The following SLC10A1 variants were observed in gnomAD, a reference collection of about 807,000 sequenced individuals.
The protein encoded by SLC10A1 is hepatic sodium/bile acid cotransporter.
A neutral mutation model predicts 20.5 loss-of-function variants in SLC10A1; 36 were observed. The ratio of observed to expected loss-of-function variants is 1.75; its 90% CI spans 1.34 to 2.32. The LOEUF (loss-of-function observed/expected upper bound fraction) is 2.32. Among genes scored for constraint, SLC10A1 ranks in the 30% most tolerant of loss-of-function variants. SLC10A1 has a pLI of 0.00. For synonymous variants in SLC10A1, 188 were observed against 163.6 expected, an observed-to-expected ratio of 1.15 and a Z score of -1.14; for missense variants, 545 against 439.1, an observed-to-expected ratio of 1.24 and a Z score of -2.16.
Position 69,776,376 on chromosome 14 carries a change from A to C in SLC10A1, c.956T>G (p.Met319Arg), listed in dbSNP as rs745890639. Residue 319 changes from methionine to arginine, a missense_variant, in exon 5 of 5, where the codon ATG (methionine) becomes AGG (arginine). Coordinates refer to ENST00000216540, the MANE Select transcript of SLC10A1 (RefSeq NM_003049.4). ...KFKTPKDKTK[M>R]IYTAATTEET... ...TTCAGTTGTGGCAGCTGTGTAGATC[A>C]TTTTTGTTTTATCTGTAAAGTTAAA... The C allele has an allele frequency of 6.2e-7, 1 of 1,601,510 alleles. No homozygotes were observed. Among genetic ancestry groups the C allele is most frequent in the Non-Finnish European group, 8.5e-7 (1 of 1,174,672 alleles).
chr14:69,790,985 A>AAT (rs1383434115), intron 1 of SLC10A1, among the ~76,000 whole-genome samples: 1 of 151,222 alleles, frequency 6.6e-6, no homozygotes, highest in Non-Finnish European at 1.5e-5. Flanking sequence ...ACTAGAAACA[A>AAT]ATATATATAT....
chr14:69,788,649 ATTC>A (rs1165594571), intron 1 of SLC10A1, among the ~76,000 whole-genome samples: 1 of 150,886 alleles, frequency 6.6e-6, no homozygotes, highest in Non-Finnish European at 1.5e-5. Flanking sequence ...GGTTCACGCT[ATTC>A]TTCTGTCTCA....
intron 1 of SLC10A1, among the ~76,000 whole-genome samples, chr14:69,792,833 CAAAAA>C (rs4646288): frequency 4.9e-5 from 6 of 122,234 alleles, no homozygotes; most frequent in Admixed American, 2.4e-4. Flanking sequence ...GCCTATTTCT[CAAAAA>C]AAAAAAAAAA....
At chr14:69,793,973 G>C (rs1882336643) in intron 1 of SLC10A1, among the ~76,000 whole-genome samples, 1 of 152,160 alleles carries the variant, frequency 6.6e-6, no homozygotes, top group Non-Finnish European at 1.5e-5. Flanking sequence ...TGGCCTCCTG[G>C]GATGGCAGGC....
intron 4 of SLC10A1, among the ~76,000 whole-genome samples, chr14:69,777,414 C>T (rs934327101): frequency 3.3e-5 from 5 of 151,956 alleles, no homozygotes; most frequent in African/African-American, 9.7e-5. Context: ...GTGTATTTCT[C>T]CTAGGGTGTA....
chr14:69,779,423 G>A (rs753572843), intron 2 of SLC10A1, 63 bp from the exon 3 acceptor site: 20 of 1,357,724 alleles, frequency 1.5e-5, no homozygotes, highest in South Asian at 4.3e-5. Context: ...CAGAGGTGGG[G>A]AAGCACAGGT....
At chr14:69,781,848 G>A (rs1224711305) in intron 2 of SLC10A1, among the ~76,000 whole-genome samples, 1 of 152,214 alleles carries the variant, frequency 6.6e-6, no homozygotes. Context: ...ATATCTAAAT[G>A]TGACCTTCCA....
intron 1 of SLC10A1, among the ~76,000 whole-genome samples, chr14:69,796,574 G>C (rs1429471959): frequency 6.6e-6 from 1 of 152,104 alleles, no homozygotes; most frequent in Non-Finnish European, 1.5e-5. Flanking sequence ...GAGCTTCCTG[G>C]ACCAGTATGG....
intron 1 of SLC10A1, among the ~76,000 whole-genome samples, chr14:69,793,211 G>T (rs1382225188): frequency 6.6e-6 from 1 of 152,120 alleles, no homozygotes; most frequent in Non-Finnish European, 1.5e-5. Context: ...GGGTATGCAG[G>T]AGCCATGTTC....
rs4646292 is a variant in SLC10A1, at chr14:69,777,837, CT to C, written c.943+495del. Among the ~76,000 whole-genome samples the C allele has an allele frequency of 2.2e-3, 324 of 144,606 alleles. 1 individual carries two copies. Among genetic ancestry groups the C allele is most frequent in the African/African-American group, 5.8e-3 (228 of 39,422 alleles). The allele number at this position is 144,606 out of a possible 152,430, so 94.9% of individuals were successfully genotyped here. A position where few individuals can be genotyped will look rare whatever the true frequency, so the allele number is the denominator to read the frequency against. Reference sequence around the variant, plus strand: ...TACTGCGTAACTAGAGTTGAGGAATCTTTTTTTTTTTTCTTTATTCTGGGTT... The same window carrying C: ...TACTGCGTAACTAGAGTTGAGGAATCTTTTTTTTTTTCTTTATTCTGGGTT... On this transcript the variant is annotated intron_variant, in intron 4 of 4. Transcript: ENST00000216540.
chr14:69,787,253 A>G (rs930458610), intron 1 of SLC10A1, among the ~76,000 whole-genome samples: 7 of 152,202 alleles, frequency 4.6e-5, no homozygotes, highest in African/African-American at 1.7e-4. Flanking sequence ...TACTTGTCCA[A>G]TTTCCTTTTC....
At chr14:69,780,840 C>G (rs902684669) in intron 2 of SLC10A1, among the ~76,000 whole-genome samples, 3 of 152,146 alleles carry the variant, frequency 2.0e-5, no homozygotes, top group Non-Finnish European at 4.4e-5. Flanking sequence ...TTCTGTCTTT[C>G]GAATTTGTCC....
intron 2 of SLC10A1, among the ~76,000 whole-genome samples, chr14:69,779,562 T>TA (rs1883540276): frequency 6.6e-6 from 1 of 152,208 alleles, no homozygotes; most frequent in Non-Finnish European, 1.5e-5. Context: ...GACAGGGTCT[T>TA]ACTATGTTGC....
At chr14:69,792,368 C>G (rs1462997341) in intron 1 of SLC10A1, among the ~76,000 whole-genome samples, 1 of 152,010 alleles carries the variant, frequency 6.6e-6, no homozygotes, top group Non-Finnish European at 1.5e-5. Context: ...CAAAACCCAC[C>G]CAAACCACAA....
intron 2 of SLC10A1, among the ~76,000 whole-genome samples, chr14:69,782,116 GTC>G (rs1362496171): frequency 2.6e-5 from 4 of 152,330 alleles, no homozygotes; most frequent in Admixed American, 1.3e-4. Context: ...CCACATGTTA[GTC>G]TCTGCATCCT....
rs1435060501 is a variant in SLC10A1, at chr14:69,775,867, A to T, written c.*415T>A. The T allele has an allele frequency of 1.9e-5, 3 of 157,554 alleles. No homozygotes were observed. Among genetic ancestry groups the T allele is most frequent in the African/African-American group, 7.2e-5 (3 of 41,538 alleles). 9.8% of individuals were successfully genotyped at this position (157,554 alleles called of 1,614,324 possible). On this transcript the variant is annotated 3_prime_UTR_variant, in exon 5 of 5. Transcript: ENST00000216540. Reference sequence around the variant, plus strand: ...AACTTCTGAAGTTTAATTCTACAGCACTTGTGAGCATTTATTTCTCTTTTG... The same window carrying T: ...AACTTCTGAAGTTTAATTCTACAGCTCTTGTGAGCATTTATTTCTCTTTTG...
At chr14:69,779,160 T>TAAAA in intron 3 of SLC10A1, 22 bp downstream of exon 3, 1 of 1,396,536 alleles carries the variant, frequency 7.2e-7, no homozygotes, top group East Asian at 2.4e-5. Flanking sequence ...GACCCTTTCT[T>TAAAA]AAAAAAAAAA....
intron 2 of SLC10A1, among the ~76,000 whole-genome samples, chr14:69,785,642 G>A (rs1222138755): frequency 6.6e-6 from 1 of 150,624 alleles, no homozygotes; most frequent in South Asian, 2.1e-4. Flanking sequence ...TGTGGCCCAG[G>A]CGGGAGTGCA....
chr14:69,786,115 G>C lies in SLC10A1; in HGVS notation c.549C>G (p.Tyr183Ter). The change falls in exon 2 of 5, where the codon TAC (tyrosine) becomes TAG (stop). Residue 183 changes from tyrosine (Y) to a stop codon, truncating the protein, a stop_gained. Coordinates refer to ENST00000216540, the MANE Select transcript of SLC10A1 (RefSeq NM_003049.4). LOFTEE classifies it high-confidence loss of function. ...GIVLKSKRPQ[Y>*]MRYVIKGGMI... ...TTCTTACCTTGATGACATAGCGCAT[G>C]TATTGTGGCCGTTTGGATTTGAGGA... The C allele has an allele frequency of 6.2e-7, 1 of 1,614,150 alleles. No individual in the cohort carries two copies.
Sources: gnomAD v4.1 joint callset for allele counts (sites outside exome capture counted in the v4.1 genomes callset) on GRCh38, gnomAD v4.1.1 for gene constraint, MANE v1.5 for transcripts, NCBI Gene and HGNC (gene_info 2026-07-23, HGNC 2026-07-21) for gene names.